TTC6: variants seen among roughly 807,000 people sequenced by gnomAD.
TTC6 encodes the protein tetratricopeptide repeat domain 6, also known as tetratricopeptide repeat protein 6.
A neutral mutation model predicts 210.4 loss-of-function variants in TTC6; 172 were observed. That is an observed-to-expected ratio of 0.82 (90% CI 0.72 to 0.93). The LOEUF is 0.93. Among genes scored for constraint, TTC6 ranks in the 40% least tolerant of loss-of-function variants. The pLI, the probability that TTC6 is intolerant of heterozygous loss-of-function variation, is 0.00. For synonymous variants in TTC6, 804 were observed against 819.6 expected (o/e 0.98, Z 0.32); for missense variants, 2,414 against 2,318.1 (o/e 1.04, Z -0.85).
At chr14:37,730,445 C>T (rs1254909907) in intron 7 of TTC6, among the ~76,000 whole-genome samples, 2 of 152,126 alleles carry the variant, frequency 1.3e-5, no homozygotes, top group African/African-American at 2.4e-5. Context: ...TCACTTTACT[C>T]CCATCTGCCA....
chr14:37,622,743 CGCA>C (rs1278748881), exon 1 of TTC6: 65 of 1,534,924 alleles, frequency 4.2e-5, no homozygotes, highest in Non-Finnish European at 1.1e-5. Flanking sequence ...AGTGAGGATC[CGCA>C]GCAACTTCGT....
intron 1 of TTC6, among the ~76,000 whole-genome samples, chr14:37,671,542 ATTAG>A (rs761784767): frequency 1.3e-5 from 2 of 152,306 alleles, no homozygotes; most frequent in East Asian, 1.9e-4. Context: ...ATTAGTTAAT[ATTAG>A]TTAACATTTT....
intron 5 of TTC6, among the ~76,000 whole-genome samples, chr14:37,706,912 A>G (rs1399378185): frequency 6.6e-6 from 1 of 151,990 alleles, no homozygotes; most frequent in Non-Finnish European, 1.5e-5. Flanking sequence ...TTTTTCTGAT[A>G]GGTTTTTTTC....
intron 7 of TTC6, among the ~76,000 whole-genome samples, chr14:37,725,863 A>C (rs1195781739): frequency 6.6e-6 from 1 of 152,184 alleles, no homozygotes; most frequent in Non-Finnish European, 1.5e-5. Flanking sequence ...TGTTAAAAAC[A>C]TTTAATAATA....
At chr14:37,782,352 A>T (rs2096057195) in intron 14 of TTC6, among the ~76,000 whole-genome samples, 1 of 152,100 alleles carries the variant, frequency 6.6e-6, no homozygotes, top group Admixed American at 6.5e-5. Flanking sequence ...CATCCCTTGT[A>T]AGTTGGATTC....
At chr14:37,633,235 A>AC (rs957271642) in intron 1 of TTC6, among the ~76,000 whole-genome samples, 1 of 152,024 alleles carries the variant, frequency 6.6e-6, no homozygotes, top group Non-Finnish European at 1.5e-5. Context: ...TGTGCGTGAA[A>AC]CCCAGGGCCC....
intron 3 of TTC6, among the ~76,000 whole-genome samples, chr14:37,688,984 A>C (rs1479704603): frequency 6.6e-6 from 1 of 152,194 alleles, no homozygotes; most frequent in Non-Finnish European, 1.5e-5. Flanking sequence ...CCAAGGGCCA[A>C]CCCTGAGAGA....
intron 6 of TTC6, among the ~76,000 whole-genome samples, chr14:37,716,971 A>G (rs992590505): frequency 6.6e-6 from 1 of 152,134 alleles, no homozygotes; most frequent in Admixed American, 6.5e-5. Context: ...TGGAATCTAA[A>G]CAGTACAGCT....
intron 1 of TTC6, among the ~76,000 whole-genome samples, chr14:37,672,765 T>C (rs1371024830): frequency 6.6e-6 from 1 of 152,086 alleles, no homozygotes; most frequent in Non-Finnish European, 1.5e-5. Context: ...TTTTTTCTGA[T>C]TGCATTGCAT....
chr14:37,635,305 A>G (rs558666623), intron 1 of TTC6, among the ~76,000 whole-genome samples: 1 of 152,324 alleles, frequency 6.6e-6, no homozygotes, highest in African/African-American at 2.4e-5. Context: ...AGAAATGACT[A>G]AAAAAGGTAT....
intron 7 of TTC6, among the ~76,000 whole-genome samples, chr14:37,727,744 T>A (rs2095876567): frequency 6.6e-6 from 1 of 152,204 alleles, no homozygotes; most frequent in Non-Finnish European, 1.5e-5. Context: ...CAAAGTAATT[T>A]CTATTGCAAT....
intron 7 of TTC6, among the ~76,000 whole-genome samples, chr14:37,731,147 T>C (rs1289112336): frequency 2.6e-5 from 4 of 152,204 alleles, no homozygotes; most frequent in African/African-American, 9.7e-5. Flanking sequence ...TGTGAGGCTC[T>C]GGTTTTCATC....
intron 27 of TTC6, 40 bp from the exon 30 acceptor site, chr14:37,826,155 G>T (rs1189701944): frequency 6.4e-7 from 1 of 1,562,586 alleles, no homozygotes; most frequent in Non-Finnish European, 8.6e-7. Context: ...GTCATGTTAT[G>T]GAGTATTTCC....
At chr14:37,654,426 C>G (rs771998539) in intron 1 of TTC6, among the ~76,000 whole-genome samples, 6 of 152,020 alleles carry the variant, frequency 3.9e-5, no homozygotes, top group Non-Finnish European at 7.4e-5. Flanking sequence ...CACCCCCTCA[C>G]TCTCTTGCTC....
rs977972308 is a variant in TTC6 at position 37,781,377 on chromosome 14, C to T, written c.3267-6091C>T. 2.6e-5 allele frequency among the ~76,000 whole-genome samples: 4 copies of T among 152,106 alleles called. No individual in the cohort carries two copies. The East Asian group carries it at 5.8e-4, about 22-fold the overall frequency. On this transcript the variant is annotated intron_variant, in intron 14 of 30. Coordinates refer to ENST00000553443, the Ensembl canonical transcript of TTC6. ...TTTTGATTTGCATTTCTCTAATGAC[C>T]AGTGATGATGAGCATTTTTTCATAT...
chr14:37,787,957 G>GA (rs1377024899), intron 15 of TTC6, among the ~76,000 whole-genome samples: 6 of 150,682 alleles, frequency 4.0e-5, no homozygotes, highest in African/African-American at 1.5e-4. Flanking sequence ...TGACAGCAAA[G>GA]AATCTCTTTC....
In TTC6 at chr14:37,796,387, A is replaced by G. The variant is rs2096092790; in HGVS notation, c.3868+17A>G. 1.9e-6 allele frequency: 2 copies of G among 1,043,026 alleles called. No homozygotes were observed. Among genetic ancestry groups the G allele is most frequent in the Non-Finnish European group, 2.8e-6 (2 of 715,390 alleles). The allele number at this position is 1,043,026 out of a possible 1,614,324, so 64.6% of individuals were successfully genotyped here. ...TGGACAAAGGTAAGTATAATTAATTATAACTTTTAAGAAATACTTCTTTAA... is the reference window on the plus strand; with the variant it reads ...TGGACAAAGGTAAGTATAATTAATTGTAACTTTTAAGAAATACTTCTTTAA... On this transcript the variant is annotated intron_variant, in intron 19 of 30. Transcript: ENST00000553443.
At chr14:37,630,163 C>T (rs1254038258) in intron 1 of TTC6, among the ~76,000 whole-genome samples, 4 of 151,918 alleles carry the variant, frequency 2.6e-5, no homozygotes, top group East Asian at 1.9e-4. Flanking sequence ...TTCTTTTAAC[C>T]GTCATGTTAG....
intron 1 of TTC6, among the ~76,000 whole-genome samples, chr14:37,658,242 A>G (rs1349634689): frequency 6.6e-6 from 1 of 152,210 alleles, no homozygotes; most frequent in African/African-American, 2.4e-5. Context: ...AACTGTTCTT[A>G]GCTTATAGGC....
Sources: allele counts gnomAD v4.1 joint callset (sites outside exome capture counted in the v4.1 genomes callset), GRCh38; gene constraint gnomAD v4.1.1; transcripts MANE v1.5; gene names NCBI Gene and HGNC (gene_info 2026-07-23, HGNC 2026-07-21).